ROBO2: variants seen among roughly 807,000 people sequenced by gnomAD.
ROBO2 encodes the protein roundabout homolog 2.
ROBO2 carries 53 observed loss-of-function variants against 160.8 expected under a neutral mutation model. The observed-to-expected ratio is 0.33, with a 90% confidence interval of 0.26 to 0.41. ROBO2 has a LOEUF of 0.41. ROBO2 is among the 10% of genes least tolerant of loss of function. The probability of loss-of-function intolerance (pLI) is 1.00; values close to 1 mark genes in which losing one functional copy is unlikely to be tolerated. For synonymous variants in ROBO2, 664 were observed against 611.7 expected (o/e 1.09, Z -1.26); for missense variants, 1,577 against 1,722.4 (o/e 0.92, Z 1.49).
intron 2 of ROBO2, among the ~76,000 whole-genome samples, chr3:76,210,637 T>C (rs1356692599): frequency 6.6e-6 from 1 of 152,152 alleles, no homozygotes; most frequent in Non-Finnish European, 1.5e-5. Context: ...AAAAATTCTA[T>C]CTAGCTTTTA....
At chr3:77,123,818 A>G (rs2075029780) in intron 2 of ROBO2, among the ~76,000 whole-genome samples, 1 of 149,338 alleles carries the variant, frequency 6.7e-6, no homozygotes, top group African/African-American at 2.4e-5. Context: ...ATATAGATAC[A>G]CATATCTATA....
intron 2 of ROBO2, among the ~76,000 whole-genome samples, chr3:76,296,327 A>G (rs891264580): frequency 2.6e-5 from 4 of 152,170 alleles, no homozygotes; most frequent in Admixed American, 2.6e-4. Context: ...GAAAGAATAC[A>G]TTTTTGATGT....
At chr3:76,717,794 G>T (rs1356065023) in intron 2 of ROBO2, among the ~76,000 whole-genome samples, 14 of 152,132 alleles carry the variant, frequency 9.2e-5, no homozygotes, top group Non-Finnish European at 1.8e-4. Flanking sequence ...AGTTTTACTG[G>T]CTGTGCAAGA....
intron 2 of ROBO2, among the ~76,000 whole-genome samples, chr3:75,993,888 C>T (rs140897788): frequency 2.0e-5 from 3 of 152,180 alleles, no homozygotes; most frequent in Non-Finnish European, 4.4e-5. Flanking sequence ...TACTCCCAGA[C>T]CCAACCCCTC....
At chr3:76,512,444 G>C (rs902666398) in intron 2 of ROBO2, among the ~76,000 whole-genome samples, 2 of 151,880 alleles carry the variant, frequency 1.3e-5, no homozygotes, top group African/African-American at 4.8e-5. Context: ...GTATTCTGGC[G>C]ATGCTACTGT....
At chr3:77,077,416 A>G (rs1011384378) in intron 1 of ROBO2, among the ~76,000 whole-genome samples, 1 of 152,240 alleles carries the variant, frequency 6.6e-6, no homozygotes, top group East Asian at 1.9e-4. Context: ...TTCCAGAAGA[A>G]ACAAGATCTT....
intron 2 of ROBO2, among the ~76,000 whole-genome samples, chr3:76,989,770 T>A (rs2060568941): frequency 6.6e-6 from 1 of 152,116 alleles, no homozygotes; most frequent in Non-Finnish European, 1.5e-5. Context: ...GGCAGGATAT[T>A]TGGGACAAAG....
At chr3:77,052,797 G>T (rs992065311) in intron 1 of ROBO2, among the ~76,000 whole-genome samples, 3 of 152,112 alleles carry the variant, frequency 2.0e-5, no homozygotes, top group Non-Finnish European at 4.4e-5. Context: ...TATCTAGGCA[G>T]ATCTATTTGA....
intron 2 of ROBO2, among the ~76,000 whole-genome samples, chr3:77,318,442 G>A (rs916386607): frequency 6.6e-6 from 1 of 152,144 alleles, no homozygotes; most frequent in East Asian, 1.9e-4. Context: ...CTGCTGCAGG[G>A]AACTGTTTTA....
chr3:76,769,199 A>T (rs1288696987), intron 2 of ROBO2, among the ~76,000 whole-genome samples: 3 of 151,492 alleles, frequency 2.0e-5, no homozygotes, highest in Non-Finnish European at 1.5e-5. Flanking sequence ...ATCTGGCGAC[A>T]CTTGTTAAAA....
intron 2 of ROBO2, among the ~76,000 whole-genome samples, chr3:76,842,707 AT>A (rs1034664725): frequency 4.6e-5 from 7 of 152,198 alleles, no homozygotes; most frequent in Admixed American, 2.0e-4. Context: ...GTTTATAAAT[AT>A]TTTTTTATTT....
chr3:77,316,291 A>G (rs1427828201), intron 2 of ROBO2, among the ~76,000 whole-genome samples: 4 of 152,138 alleles, frequency 2.6e-5, no homozygotes, highest in African/African-American at 9.7e-5. Context: ...ACGACGATGA[A>G]CTGCGGTGGG....
chr3:77,101,991 G>A (rs1238139848), intron 2 of ROBO2, among the ~76,000 whole-genome samples: 2 of 152,210 alleles, frequency 1.3e-5, no homozygotes, highest in African/African-American at 2.4e-5. Context: ...AGTGAGCTGG[G>A]ATGGTGCCAA....
intron 2 of ROBO2, among the ~76,000 whole-genome samples, chr3:77,448,551 G>A (rs573530068): frequency 6.6e-6 from 1 of 152,110 alleles, no homozygotes; most frequent in African/African-American, 2.4e-5. Context: ...GAGTTTTGAG[G>A]TTAGCAAGGC....
intron 2 of ROBO2, among the ~76,000 whole-genome samples, chr3:76,500,346 G>A (rs755122818): frequency 1.3e-4 from 20 of 152,186 alleles, no homozygotes; most frequent in East Asian, 5.8e-4. Flanking sequence ...CTCCAACTCC[G>A]GAGCAGTCTA....
intron 2 of ROBO2, among the ~76,000 whole-genome samples, chr3:76,221,499 A>G (rs1703964374): frequency 1.3e-5 from 2 of 151,984 alleles, no homozygotes; most frequent in South Asian, 2.1e-4. Flanking sequence ...GAGCAGTGCC[A>G]CTCTCATTTT....
intron 2 of ROBO2, among the ~76,000 whole-genome samples, chr3:76,297,815 G>C (rs558090065): frequency 4.0e-5 from 6 of 150,402 alleles, no homozygotes; most frequent in Non-Finnish European, 5.9e-5. Context: ...AGTGTGTTTA[G>C]AAGAGAAACT....
chr3:76,814,573 T>C (rs1191717203), intron 2 of ROBO2, among the ~76,000 whole-genome samples: 1 of 148,412 alleles, frequency 6.7e-6, no homozygotes, highest in African/African-American at 2.5e-5. Flanking sequence ...GTCGAAACCA[T>C]ACAATACATA....
At chr3:76,283,655 A>G (rs568842947) in intron 2 of ROBO2, among the ~76,000 whole-genome samples, 8 of 152,132 alleles carry the variant, frequency 5.3e-5, no homozygotes, top group Non-Finnish European at 1.0e-4. Flanking sequence ...CAGCATTATG[A>G]CAGAGTTTCT....
Sources: gnomAD v4.1 joint callset for allele counts (sites outside exome capture counted in the v4.1 genomes callset) on GRCh38, gnomAD v4.1.1 for gene constraint, MANE v1.5 for transcripts, NCBI Gene and HGNC (gene_info 2026-07-23, HGNC 2026-07-21) for gene names.